SACS: variants seen among roughly 807,000 people sequenced by gnomAD.
SACS encodes the protein sacsin molecular chaperone, also known as sacsin.
Under a neutral mutation model 348.0 loss-of-function variants are expected in SACS, and 197 were observed. That is an observed-to-expected ratio of 0.57 (90% CI 0.50 to 0.64). The LOEUF (loss-of-function observed/expected upper bound fraction) is 0.64, where lower values mean the gene tolerates loss of function less well. SACS is among the 30% of genes least tolerant of loss of function. The probability of loss-of-function intolerance (pLI) is 0.00; values close to 1 mark genes in which losing one functional copy is unlikely to be tolerated. For synonymous variants in SACS, 1,985 were observed against 1,910.6 expected, an observed-to-expected ratio of 1.04 and a Z score of -1.02; for missense variants, 4,999 against 5,360.8, an observed-to-expected ratio of 0.93 and a Z score of 2.11.
At chr13:23,368,916 GTCT>G (rs1566088323) in intron 4 of SACS, among the ~76,000 whole-genome samples, 3 of 152,098 alleles carry the variant, frequency 2.0e-5, no homozygotes, top group African/African-American at 7.2e-5. Flanking sequence ...AGCCAGGATG[GTCT>G]TGATCTCCTG....
Position 23,333,378 on chromosome 13 carries a change from G to T in SACS, c.10498C>A (p.Leu3500Ile). The change falls in exon 10 of 10, where the codon CTT (leucine) becomes ATT (isoleucine). Residue 3500 changes from leucine (L) to isoleucine (I), a missense_variant. This residue lies in a region of SACS where 734 missense variants were observed against 694.0 expected (regional missense o/e 1.06). Transcript: ENST00000382292. ...TCAGCACTTGATAATCTATTCTTAA[G>T]GTAGATCAAGTGCTCTAATTTTGCA... ...YDAKLEHLIY[L>I]KNRLSSAEEL... The T allele has an allele frequency of 6.2e-7, 1 of 1,602,308 alleles. No individual in the cohort carries two copies. Among genetic ancestry groups the T allele is most frequent in the Non-Finnish European group, 8.5e-7 (1 of 1,175,710 alleles).
chr13:23,429,487 T>C (rs1417270679), intron 1 of SACS, among the ~76,000 whole-genome samples: 4 of 149,704 alleles, frequency 2.7e-5, no homozygotes, highest in Non-Finnish European at 5.9e-5. Flanking sequence ...CTCAGCCTCC[T>C]GAGTAACTGG....
chr13:23,367,618 G>A (rs1402343783), intron 5 of SACS, among the ~76,000 whole-genome samples: 1 of 151,960 alleles, frequency 6.6e-6, no homozygotes, highest in Non-Finnish European at 1.5e-5. Flanking sequence ...TTTTGAGACG[G>A]AGTGTGGCTC....
rs765084318 is a variant in SACS at position 23,331,226 on chromosome 13, T to C, written c.12650A>G (p.Asn4217Ser). The C allele has an allele frequency of 1.1e-5, 18 of 1,613,796 alleles. No individual in the cohort carries two copies. In the African/African-American group the frequency reaches 2.3e-4, roughly 20 times the overall value. Residue 4217 changes from asparagine (N) to serine (S), a missense_variant, in exon 10 of 10, where the codon AAT (asparagine) becomes AGT (serine). By Grantham distance (46) the Asn-to-Ser change is conservative. This residue lies in a region of SACS where 831 missense variants were observed against 941.8 expected (regional missense o/e 0.88). Coordinates refer to ENST00000382292, the MANE Select transcript of SACS (RefSeq NM_014363.6). ...ATATATCTTTCCTAGAAAACTAGAATTGTCAGCATCTTCTCTTTCAACTTC... is the reference window on the plus strand; with the variant it reads ...ATATATCTTTCCTAGAAAACTAGAACTGTCAGCATCTTCTCTTTCAACTTC... Reference protein sequence around the residue: ...VQEVEREDADNSSFLGKIYQI... With the variant: ...VQEVEREDADSSSFLGKIYQI...
chr13:23,394,283 A>G (rs1390901102), intron 2 of SACS, among the ~76,000 whole-genome samples: 1 of 152,134 alleles, frequency 6.6e-6, no homozygotes, highest in Non-Finnish European at 1.5e-5. Flanking sequence ...CTGCTAAGTC[A>G]GTTTAGCAAG....
At chr13:23,402,754 A>G (rs1873033809) in intron 2 of SACS, among the ~76,000 whole-genome samples, 1 of 152,204 alleles carries the variant, frequency 6.6e-6, no homozygotes, top group South Asian at 2.1e-4. Context: ...AGAGTAAAGA[A>G]GGTCATTTTC....
chr13:23,362,615 T>C (rs1254874034), intron 6 of SACS, among the ~76,000 whole-genome samples: 2 of 139,008 alleles, frequency 1.4e-5, no homozygotes, highest in Admixed American at 1.5e-4. Flanking sequence ...AGATGGAGTC[T>C]CACTCTGTCA....
In SACS at chr13:23,334,625, A is replaced by G. The variant is rs149290718; in HGVS notation, c.9251T>C (p.Ile3084Thr). ...DETANLYHCL[I>T]DADIPVSYVT... ...ATAACTAACAGGAATATCTGCATCT[A>G]TAAGACAGTGGTAAAGATTAGCAGT... The change falls in exon 10 of 10, where the codon ATA (isoleucine) becomes ACA (threonine). Residue 3084 changes from isoleucine (I) to threonine (T), a missense_variant. This residue lies in a region of SACS where 734 missense variants were observed against 694.0 expected (regional missense o/e 1.06). Transcript: ENST00000382292. 2.4e-5 allele frequency: 39 copies of G among 1,613,438 alleles called. No individual in the cohort carries two copies. The highest frequency in any genetic ancestry group is 6.7e-5 in the East Asian group (3 of 44,886).
intron 2 of SACS, among the ~76,000 whole-genome samples, chr13:23,375,979 T>C (rs1387783259): frequency 1.3e-5 from 2 of 152,042 alleles, no homozygotes; most frequent in Non-Finnish European, 2.9e-5. Context: ...GTAAGATCTA[T>C]AGTGGCCTCC....
At chr13:23,380,122 C>CGTGT (rs34243922) in intron 2 of SACS, among the ~76,000 whole-genome samples, 21,643 of 115,526 alleles carry the variant, frequency 0.19, 1,708 homozygotes, top group South Asian at 0.29. Context: ...GGGATTCCCT[C>CGTGT]GTGTGTGTGT....
intron 1 of SACS, among the ~76,000 whole-genome samples, chr13:23,412,978 C>CA (rs1555260940): frequency 6.6e-6 from 1 of 151,638 alleles, no homozygotes; most frequent in Non-Finnish European, 1.5e-5. Flanking sequence ...AAATGAGAAA[C>CA]TTTTTTTTTG....
Position 23,330,673 on chromosome 13 carries a change from C to G in SACS, c.13203G>C (p.Trp4401Cys). 1 of 1,613,960 alleles carries G rather than the reference C, an allele frequency of 6.2e-7. No homozygotes were observed. Among genetic ancestry groups the G allele is most frequent in the Non-Finnish European group, 8.5e-7 (1 of 1,179,954 alleles). The change falls in exon 10 of 10, where the codon TGG becomes TGC. Residue 4401 changes from tryptophan to cysteine, a missense_variant. Around this residue, in one of 6 missense-constraint regions of SACS, gnomAD observed 254 missense variants for 275.1 expected, o/e 0.92. Coordinates refer to ENST00000382292, the MANE Select transcript of SACS (RefSeq NM_014363.6). ...KYSFQRFYTSWNQEATSHKSE... is the reference protein window; with the variant it reads ...KYSFQRFYTSCNQEATSHKSE... The stretch of plus-strand genomic sequence containing the variant: ...ATTTATGGCTCGTTGCTTCTTGATT[C>G]CATGAAGTATAGAATCTCTGAAATG...
chr13:23,375,312 C>A (rs1293083844), intron 2 of SACS, 43 bp from the exon 3 acceptor site: 6 of 1,369,960 alleles, frequency 4.4e-6, no homozygotes, highest in Non-Finnish European at 5.7e-6. Context: ...GCGGCTGCCA[C>A]CCGCCCGCCC....
chr13:23,336,032 T>A lies in SACS; in HGVS notation c.7844A>T (p.Asn2615Ile), dbSNP rs1868559345. The A allele has an allele frequency of 6.2e-7, 1 of 1,612,310 alleles. No homozygotes were observed. Among genetic ancestry groups the A allele is most frequent in the Admixed American group, 1.7e-5 (1 of 59,954 alleles). The change falls in exon 10 of 10, where the codon AAT becomes ATT. Residue 2615 changes from asparagine (N) to isoleucine (I), a missense_variant. This residue lies in a region of SACS where 3,156 missense variants were observed against 3,380.1 expected (regional missense o/e 0.93). Transcript: ENST00000382292. ...TCCATACTGTCCAGTTTTATAAGGA[T>A]TTCCCTCTTTCGTGCCTTTTCCAAG... Reference protein sequence around the residue: ...QNLGKGTKEGNPYKTGQYGIG... With the variant: ...QNLGKGTKEGIPYKTGQYGIG...
In SACS at chr13:23,341,780, C is replaced by CT. The variant is rs4068499; in HGVS notation, c.2186-91dup. 35,339 of 292,928 alleles carry CT rather than the reference C, an allele frequency of 0.12. 4,075 individuals are homozygous for CT. Among genetic ancestry groups the CT allele is most frequent in the African/African-American group, 0.14 (3,404 of 23,878 alleles). 18.1% of individuals were successfully genotyped at this position (292,928 alleles called of 1,614,324 possible). A position where few individuals can be genotyped will look rare whatever the true frequency, so the allele number is the denominator to read the frequency against. Reference sequence around the variant, plus strand: ...ACAAATAACACAGTACTGGAAGGTTCTTTTTTTTTTTTTTTTTTTTTTTTT... The same window carrying CT: ...ACAAATAACACAGTACTGGAAGGTTCTTTTTTTTTTTTTTTTTTTTTTTTTT... On this transcript the variant is annotated intron_variant, in intron 9 of 9. Transcript: ENST00000382292.
At position 23,340,151 on chromosome 13, in the gene SACS, T is replaced by A. The variant is rs1170999841; in HGVS notation, c.3725A>T (p.Asp1242Val). 2 of 1,613,286 alleles carry A rather than the reference T, an allele frequency of 1.2e-6. No homozygotes were observed. Among genetic ancestry groups the A allele is most frequent in the Non-Finnish European group, 8.5e-7 (1 of 1,179,462 alleles). Residue 1242 changes from aspartate to valine, a missense_variant, in exon 10 of 10, where the codon GAT (aspartate) becomes GTT (valine). By Grantham distance (152) the Asp-to-Val change is radical. Transcript: ENST00000382292. Reference sequence around the variant, plus strand: ...ATGCTGGAATTGATAGTAGTCTTCATCACTAAAGGTTTTTGAAGAATACCA... The same window carrying A: ...ATGCTGGAATTGATAGTAGTCTTCAACACTAAAGGTTTTTGAAGAATACCA... Reference protein sequence around the residue: ...VDWYSSKTFSDEDYYQFQHIL... With the variant: ...VDWYSSKTFSVEDYYQFQHIL...
At position 23,340,078 on chromosome 13, in the gene SACS, C is replaced by A; in HGVS notation, c.3798G>T (p.Gly1266=). ...YGFMHDHLNE[G]KDSFRALKFP... The stretch of plus-strand genomic sequence containing the variant: ...ATTTTAAGGCTCTAAAAGAATCTTT[C>A]CCTTCATTTAGATGATCATGCATGA... Residue 1266 remains glycine, a synonymous_variant, in exon 10 of 10, where the codon GGG becomes GGT. Transcript: ENST00000382292. The A allele has an allele frequency of 6.2e-7, 1 of 1,613,944 alleles. No individual in the cohort carries two copies. The highest frequency in any genetic ancestry group is 1.1e-5 in the South Asian group (1 of 91,034).
chr13:23,375,322 C>G lies in SACS; in HGVS notation c.21-53G>C, dbSNP rs1035702117. The G allele has an allele frequency of 1.5e-4, 207 of 1,359,510 alleles. 1 individual carries two copies. The highest frequency in any genetic ancestry group is 1.9e-4 in the Non-Finnish European group (197 of 1,047,796). 84.2% of individuals were successfully genotyped at this position (1,359,510 alleles called of 1,614,324 possible). A position where few individuals can be genotyped will look rare whatever the true frequency, so the allele number is the denominator to read the frequency against. ...GGGCTGCGGCTGCCACCCGCCCGCCCAGCGCCCGCGCGGCCTCCACCCGCG... is the reference window on the plus strand; with the variant it reads ...GGGCTGCGGCTGCCACCCGCCCGCCGAGCGCCCGCGCGGCCTCCACCCGCG... On this transcript the variant is annotated intron_variant, in intron 2 of 9. Coordinates refer to ENST00000382292, the MANE Select transcript of SACS (RefSeq NM_014363.6).
At chr13:23,406,129 C>T (rs1873194161) in intron 2 of SACS, among the ~76,000 whole-genome samples, 1 of 152,176 alleles carries the variant, frequency 6.6e-6, no homozygotes, top group Non-Finnish European at 1.5e-5. Context: ...TGGAACCAAT[C>T]CAAATGCCCA....
Sources: gnomAD v4.1 joint callset for allele counts (sites outside exome capture counted in the v4.1 genomes callset) on GRCh38, gnomAD v4.1.1 for gene constraint, gnomAD v4.1.1 regional missense constraint, MANE v1.5 for transcripts, NCBI Gene and HGNC (gene_info 2026-07-23, HGNC 2026-07-21) for gene names.